ARHGAP32: variants seen among roughly 807,000 people sequenced by gnomAD.
ARHGAP32 encodes rho GTPase-activating protein 32.
Under a neutral mutation model 186.5 loss-of-function variants are expected in ARHGAP32, and 51 were observed. The observed-to-expected ratio is 0.27, with a 90% CI of 0.22 to 0.35. The LOEUF (loss-of-function observed/expected upper bound fraction) is 0.35. Among genes scored for constraint, ARHGAP32 ranks in the 10% least tolerant of loss-of-function variants. ARHGAP32 has a pLI of 1.00. For synonymous variants in ARHGAP32, 950 were observed against 964.3 expected, an observed-to-expected ratio of 0.99 and a Z score of 0.27; for missense variants, 2,186 against 2,623.5, an observed-to-expected ratio of 0.83 and a Z score of 3.64.
chr11:129,075,033 T>TTA (rs2135193533), intron 6 of ARHGAP32, among the ~76,000 whole-genome samples: 1 of 152,106 alleles, frequency 6.6e-6, no homozygotes, highest in South Asian at 2.1e-4. Flanking sequence ...TATTTGACAA[T>TTA]TATATATATC....
At chr11:129,104,903 T>C (rs550834708) in intron 5 of ARHGAP32, among the ~76,000 whole-genome samples, 17 of 152,290 alleles carry the variant, frequency 1.1e-4, no homozygotes, top group African/African-American at 4.1e-4. Flanking sequence ...GCATTTTTAC[T>C]TGTGCTTGCC....
chr11:129,233,665 T>C (rs2135643100), intron 1 of ARHGAP32, among the ~76,000 whole-genome samples: 1 of 150,610 alleles, frequency 6.6e-6, no homozygotes, highest in African/African-American at 2.4e-5. Context: ...TTGGGGATAA[T>C]GGAAAAAGTA....
chr11:129,216,669 TAAAA>T (rs201308944), intron 1 of ARHGAP32, among the ~76,000 whole-genome samples: 2 of 119,100 alleles, frequency 1.7e-5, no homozygotes, highest in Non-Finnish European at 1.7e-5. Flanking sequence ...AGACTGTCTT[TAAAA>T]AAAAAAAAAA....
At chr11:129,115,023 A>G (rs1942326124) in intron 5 of ARHGAP32, among the ~76,000 whole-genome samples, 2 of 152,142 alleles carry the variant, frequency 1.3e-5, no homozygotes, top group East Asian at 1.9e-4. Context: ...GGAACACGGA[A>G]AGAGTTCTTT....
intron 1 of ARHGAP32, among the ~76,000 whole-genome samples, chr11:129,235,900 A>AACACACAC (rs57291313): frequency 0.092 from 13,403 of 145,522 alleles, 691 homozygotes; most frequent in African/African-American, 0.12. Context: ...GTCATTCATA[A>AACACACAC]ACACACACAC....
chr11:129,256,485 C>T (rs1394609531), intron 1 of ARHGAP32, among the ~76,000 whole-genome samples: 1 of 152,004 alleles, frequency 6.6e-6, no homozygotes, highest in South Asian at 2.1e-4. Flanking sequence ...AAGATGAAGC[C>T]GGGGACTTAA....
rs375082462 is a variant in ARHGAP32, at chr11:129,192,201, T to C, written c.-3A>G. 6.8e-6 allele frequency: 11 copies of C among 1,608,706 alleles called. No homozygotes were observed. The African/African-American group carries it at 1.1e-4, about 16-fold the overall frequency. Reference sequence around the variant, plus strand: ...CTACTCTCACTTTCAGTCTCCATCTTGTACTTAAAAAACAAAAAAAACTAA... The same window carrying C: ...CTACTCTCACTTTCAGTCTCCATCTCGTACTTAAAAAACAAAAAAAACTAA... On this transcript the variant is annotated 5_prime_UTR_variant, in exon 1 of 23. Coordinates refer to ENST00000682385, the MANE Select transcript of ARHGAP32 (RefSeq NM_001378024.1).
chr11:129,091,970 T>G (rs572103115), intron 6 of ARHGAP32, among the ~76,000 whole-genome samples: 2 of 152,130 alleles, frequency 1.3e-5, no homozygotes, highest in African/African-American at 4.8e-5. Flanking sequence ...TATCAATGAT[T>G]ACATACAATG....
intron 1 of ARHGAP32, among the ~76,000 whole-genome samples, chr11:129,222,493 C>A: frequency 6.6e-6 from 1 of 152,212 alleles, no homozygotes; most frequent in Non-Finnish European, 1.5e-5. Context: ...TAGAATTACA[C>A]CCTAATTAAG....
chr11:129,140,411 C>G (rs1049371582), intron 2 of ARHGAP32, among the ~76,000 whole-genome samples: 4 of 152,304 alleles, frequency 2.6e-5, no homozygotes, highest in African/African-American at 9.6e-5. Flanking sequence ...AATGGGTATT[C>G]TTTTAAGCCC....
At chr11:129,049,968 T>C (rs1458681734) in intron 10 of ARHGAP32, among the ~76,000 whole-genome samples, 1 of 152,240 alleles carries the variant, frequency 6.6e-6, no homozygotes, top group Non-Finnish European at 1.5e-5. Context: ...ACTTACTCTG[T>C]GCTGTGGGAA....
In ARHGAP32 at chr11:129,181,663, C is replaced by T. The variant is rs568478237; in HGVS notation, c.116+10420G>A. ...AATAAAGAAACTAACCCTCTAACAC[C>T]GATGAGGACAGTTACATTGGTGGTG... On this transcript the variant is annotated intron_variant, in intron 1 of 22. Transcript: ENST00000682385. Among the ~76,000 whole-genome samples, 16 of 152,176 alleles carry T rather than the reference C, an allele frequency of 1.1e-4. No homozygotes were observed. The South Asian group carries it at 2.5e-3, about 24-fold the overall frequency.
intron 11 of ARHGAP32, among the ~76,000 whole-genome samples, chr11:129,008,329 T>G (rs1937893083): frequency 6.6e-6 from 1 of 152,162 alleles, no homozygotes; most frequent in Non-Finnish European, 1.5e-5. Context: ...TATACAGTAG[T>G]GAGTGAATCC....
intron 1 of ARHGAP32, among the ~76,000 whole-genome samples, chr11:129,211,365 A>G (rs1944580276): frequency 6.6e-6 from 1 of 152,198 alleles, no homozygotes; most frequent in Non-Finnish European, 1.5e-5. Flanking sequence ...TAGCAAAAAC[A>G]ATTGTATAAA....
At chr11:128,993,948 T>C (rs560472853) in intron 12 of ARHGAP32, among the ~76,000 whole-genome samples, 1 of 152,218 alleles carries the variant, frequency 6.6e-6, no homozygotes, top group South Asian at 2.1e-4. Context: ...TCCACTCAAA[T>C]AGATTTTATC....
rs781598990 is a variant in ARHGAP32, at chr11:128,969,977, C to G, written c.5236G>C (p.Ala1746Pro). 6.2e-6 allele frequency: 10 copies of G among 1,614,188 alleles called. No homozygotes were observed. The East Asian group carries it at 2.2e-4, about 36-fold the overall frequency. The change falls in exon 23 of 23, where the codon GCT (alanine) becomes CCT (proline). Residue 1746 changes from alanine (A) to proline (P), a missense_variant. Around this residue, in one of 5 missense-constraint regions of ARHGAP32, gnomAD observed 1,502 missense variants for 1,570.0 expected, o/e 0.96. Coordinates refer to ENST00000682385, the MANE Select transcript of ARHGAP32 (RefSeq NM_001378024.1). This position sits in a 1 kb window ranked among gnomAD's most constrained non-coding sequence, Gnocchi z 4.8. ...NDHNVVSMPP[A>P]ADVKHTYTSW... is the part of the protein sequence containing the mutation. Reference sequence around the variant, plus strand: ...GTGTAGGTGTGCTTCACATCAGCAGCCGGAGGCATGCTGACTACATTATGG... The same window carrying G: ...GTGTAGGTGTGCTTCACATCAGCAGGCGGAGGCATGCTGACTACATTATGG...
chr11:129,031,430 G>T (rs1939109882), intron 11 of ARHGAP32, among the ~76,000 whole-genome samples: 1 of 152,164 alleles, frequency 6.6e-6, no homozygotes, highest in Non-Finnish European at 1.5e-5. Context: ...TGAACCCAAG[G>T]TTGCCTGAGC....
intron 11 of ARHGAP32, among the ~76,000 whole-genome samples, chr11:129,013,103 A>G (rs1045859259): frequency 6.6e-6 from 1 of 152,188 alleles, no homozygotes; most frequent in Non-Finnish European, 1.5e-5. Flanking sequence ...GGTAAAGAGT[A>G]TTCATGTTTA....
intron 1 of ARHGAP32, among the ~76,000 whole-genome samples, chr11:129,170,210 CA>C (rs145498329): frequency 0.062 from 7,517 of 121,710 alleles, 191 homozygotes; most frequent in African/African-American, 0.069. Flanking sequence ...TTAATTTCTT[CA>C]AAAAAAAAAA....
Sources: allele counts gnomAD v4.1 joint callset (sites outside exome capture counted in the v4.1 genomes callset), GRCh38; gene constraint gnomAD v4.1.1; regional missense constraint gnomAD v4.1.1; non-coding constraint Gnocchi (gnomAD v3.1); transcripts MANE v1.5; gene names NCBI Gene and HGNC (gene_info 2026-07-23, HGNC 2026-07-21).